EBF1: variants seen among roughly 807,000 people sequenced by gnomAD.
The protein encoded by EBF1 is EBF transcription factor 1.
Under a neutral mutation model 68.4 loss-of-function variants are expected in EBF1, and 10 were observed. The ratio of observed to expected loss-of-function variants is 0.15; its 90% CI spans 0.09 to 0.25. EBF1 has a LOEUF of 0.25. EBF1 is among the 10% of genes least tolerant of loss of function. The pLI is 1.00. For synonymous variants in EBF1, 298 were observed against 299.8 expected, an observed-to-expected ratio of 0.99 and a Z score of 0.06; for missense variants, 509 against 794.4, an observed-to-expected ratio of 0.64 and a Z score of 4.32.
At chr5:159,063,482 T>A (rs1366341073) in intron 6 of EBF1, among the ~76,000 whole-genome samples, 1 of 152,204 alleles carries the variant, frequency 6.6e-6, no homozygotes, top group African/African-American at 2.4e-5. Flanking sequence ...ATATATTCTT[T>A]GTTTATACTT....
chr5:159,017,682 T>G (rs1765889348), intron 6 of EBF1, among the ~76,000 whole-genome samples: 1 of 152,254 alleles, frequency 6.6e-6, no homozygotes, highest in South Asian at 2.1e-4. Flanking sequence ...TATGTTACCA[T>G]GAACTCTGAA....
At chr5:158,904,870 C>A (rs947396379) in intron 6 of EBF1, among the ~76,000 whole-genome samples, 13 of 152,144 alleles carry the variant, frequency 8.5e-5, no homozygotes, top group Admixed American at 2.0e-4. Flanking sequence ...TTACTGCCTG[C>A]TCAGGTGGCA....
At position 158,893,242 on chromosome 5, in the gene EBF1, G is replaced by A. The variant is rs184077092; in HGVS notation, c.555-53132C>T. 3.0e-3 allele frequency among the ~76,000 whole-genome samples: 463 copies of A among 152,242 alleles called. 2 individuals carry two copies. Among genetic ancestry groups the A allele is most frequent in the Non-Finnish European group, 4.1e-3 (278 of 68,024 alleles). ...CAATTTTGGGAATATATATTATTAA[G>A]CCTTTTTTCTCTTCCCCTGGTTATA... On this transcript the variant is annotated intron_variant, in intron 6 of 15. Transcript: ENST00000313708.
At chr5:158,996,883 C>G (rs1362073999) in intron 6 of EBF1, among the ~76,000 whole-genome samples, 1 of 152,126 alleles carries the variant, frequency 6.6e-6, no homozygotes, top group Non-Finnish European at 1.5e-5. Flanking sequence ...TTATAACAAC[C>G]TGGAAAGCCA....
At chr5:158,829,928 C>T (rs1235313458) in intron 7 of EBF1, among the ~76,000 whole-genome samples, 1 of 152,218 alleles carries the variant, frequency 6.6e-6, no homozygotes, top group Non-Finnish European at 1.5e-5. Flanking sequence ...GGGACCCTAT[C>T]AACTCCATGT....
At chr5:158,909,165 T>C (rs1176472728) in intron 6 of EBF1, among the ~76,000 whole-genome samples, 1 of 150,362 alleles carries the variant, frequency 6.7e-6, no homozygotes, top group East Asian at 1.9e-4. Flanking sequence ...AGAACAGAAA[T>C]GTGAGATGTG....
At chr5:158,909,239 C>A (rs1028273370) in intron 6 of EBF1, among the ~76,000 whole-genome samples, 2 of 152,058 alleles carry the variant, frequency 1.3e-5, no homozygotes, top group Non-Finnish European at 2.9e-5. Flanking sequence ...GGAACGGCAA[C>A]ATATACTCAG....
intron 6 of EBF1, among the ~76,000 whole-genome samples, chr5:158,955,094 G>A (rs1816797600): frequency 6.6e-6 from 1 of 152,162 alleles, no homozygotes; most frequent in Admixed American, 6.5e-5. Flanking sequence ...GGAGGCCGAG[G>A]AGGGCGGATC....
chr5:158,982,072 T>A (rs1758011026), intron 6 of EBF1, among the ~76,000 whole-genome samples: 1 of 152,116 alleles, frequency 6.6e-6, no homozygotes, highest in African/African-American at 2.4e-5. Context: ...ATTGTCAAAT[T>A]ATGGTTTGGG....
At position 158,699,146 on chromosome 5, in the gene EBF1, T is replaced by C; in HGVS notation, c.1745-4A>G. 2 of 1,605,392 alleles carry C rather than the reference T, an allele frequency of 1.2e-6. No homozygotes were observed. The highest frequency in any genetic ancestry group is 1.7e-6 in the Non-Finnish European group (2 of 1,175,862). ...GGAACAATCATGCCAGATATCGCTA[T>C]GAAAGAAAAGACAGAAGTCAATGGT... On this transcript the variant is annotated splice_region_variant and splice_polypyrimidine_tract_variant and intron_variant, in intron 15 of 15. Transcript: ENST00000313708.
At chr5:158,883,320 G>GTA (rs967599081) in intron 6 of EBF1, among the ~76,000 whole-genome samples, 27 of 144,732 alleles carry the variant, frequency 1.9e-4, no homozygotes, top group African/African-American at 3.8e-4. Flanking sequence ...ACATACATGT[G>GTA]TATATATATA....
At chr5:158,803,150 A>G (rs1056499194) in intron 8 of EBF1, among the ~76,000 whole-genome samples, 3 of 152,148 alleles carry the variant, frequency 2.0e-5, no homozygotes, top group African/African-American at 7.2e-5. Context: ...GGCAGAAAAC[A>G]TAAAACCCAT....
intron 7 of EBF1, among the ~76,000 whole-genome samples, chr5:158,828,666 G>A (rs1312863492): frequency 2.6e-5 from 4 of 152,186 alleles, no homozygotes; most frequent in Admixed American, 6.5e-5. Flanking sequence ...TTTGCAAAAT[G>A]TTACTGAGGA....
chr5:158,906,899 A>G (rs1480525406), intron 6 of EBF1, among the ~76,000 whole-genome samples: 1 of 152,252 alleles, frequency 6.6e-6, no homozygotes, highest in Non-Finnish European at 1.5e-5. Context: ...TAAGATGTAC[A>G]TATATGATGC....
intron 11 of EBF1, among the ~76,000 whole-genome samples, chr5:158,720,037 C>T (rs1305427294): frequency 6.6e-6 from 1 of 152,200 alleles, no homozygotes; most frequent in East Asian, 1.9e-4. Flanking sequence ...TATCACCAAT[C>T]TACTTTGCTT....
chr5:159,046,819 T>A (rs1000145573), intron 6 of EBF1, among the ~76,000 whole-genome samples: 1 of 152,134 alleles, frequency 6.6e-6, no homozygotes, highest in African/African-American at 2.4e-5. Context: ...CTCTGTAGTG[T>A]TTGCCAATTT....
chr5:158,721,844 A>G (rs1273998451), intron 11 of EBF1, among the ~76,000 whole-genome samples: 1 of 152,126 alleles, frequency 6.6e-6, no homozygotes, highest in Non-Finnish European at 1.5e-5. Flanking sequence ...TCAGCAGTTA[A>G]GTATAAATTG....
At chr5:158,853,612 A>G (rs1365883364) in intron 6 of EBF1, among the ~76,000 whole-genome samples, 1 of 152,158 alleles carries the variant, frequency 6.6e-6, no homozygotes, top group African/African-American at 2.4e-5. Context: ...TCCAAGAAAG[A>G]TAAGGAGAAG....
chr5:159,092,021 A>AGCTAAACT (rs570522894), intron 4 of EBF1, among the ~76,000 whole-genome samples: 1 of 152,226 alleles, frequency 6.6e-6, no homozygotes, highest in Non-Finnish European at 1.5e-5. Context: ...AGGGGAGATA[A>AGCTAAACT]GCTAAACTTA....
Sources: allele counts gnomAD v4.1 joint callset (sites outside exome capture counted in the v4.1 genomes callset), GRCh38; gene constraint gnomAD v4.1.1; transcripts MANE v1.5; gene names NCBI Gene and HGNC (gene_info 2026-07-23, HGNC 2026-07-21).